The following FHIT variants were observed in gnomAD, a reference collection of about 807,000 sequenced individuals.
FHIT encodes bis(5'-adenosyl)-triphosphatase.
A neutral mutation model predicts 17.9 loss-of-function variants in FHIT; 19 were observed. That is an observed-to-expected ratio of 1.06 (90% CI 0.74 to 1.56). FHIT has a LOEUF of 1.56. FHIT is among the 40% of genes most tolerant of loss of function. The probability of loss-of-function intolerance (pLI) is 0.00; values close to 1 mark genes in which losing one functional copy is unlikely to be tolerated. For missense variants in FHIT, 248 were observed against 189.2 expected (o/e 1.31, Z -1.82); for synonymous variants, 81 against 69.7 (o/e 1.16, Z -0.81).
chr3:59,830,634 G>A (rs1701131881), intron 8 of FHIT, among the ~76,000 whole-genome samples: 1 of 152,180 alleles, frequency 6.6e-6, no homozygotes, highest in East Asian at 1.9e-4. Context: ...TTCTTTCATA[G>A]TCTAGTCTAA....
chr3:59,875,316 T>C (rs1444250927), intron 8 of FHIT, among the ~76,000 whole-genome samples: 2 of 152,226 alleles, frequency 1.3e-5, no homozygotes, highest in African/African-American at 2.4e-5. Flanking sequence ...CCTAAACTAC[T>C]ACTCACTGTT....
intron 4 of FHIT, among the ~76,000 whole-genome samples, chr3:60,769,631 G>A (rs1037947300): frequency 1.6e-4 from 25 of 152,184 alleles, no homozygotes; most frequent in African/African-American, 2.7e-4. Flanking sequence ...GTAAAGTGAC[G>A]TACAGGAATC....
At chr3:60,692,106 C>T (rs2041005666) in intron 4 of FHIT, among the ~76,000 whole-genome samples, 1 of 152,154 alleles carries the variant, frequency 6.6e-6, no homozygotes, top group Non-Finnish European at 1.5e-5. Context: ...AGCAGGTTTT[C>T]CACCTAGCAT....
intron 5 of FHIT, among the ~76,000 whole-genome samples, chr3:60,348,731 G>A (rs1266250880): frequency 1.3e-5 from 2 of 152,186 alleles, no homozygotes; most frequent in South Asian, 2.1e-4. Flanking sequence ...GCTTAGCCAT[G>A]TAACTTGACT....
chr3:59,813,939 G>A (rs1423520362), intron 8 of FHIT, among the ~76,000 whole-genome samples: 1 of 152,134 alleles, frequency 6.6e-6, no homozygotes, highest in Non-Finnish European at 1.5e-5. Flanking sequence ...TGCCAAATCA[G>A]TGGGCTGGTG....
intron 5 of FHIT, among the ~76,000 whole-genome samples, chr3:60,125,978 C>G (rs1705529735): frequency 6.6e-6 from 1 of 152,172 alleles, no homozygotes; most frequent in Non-Finnish European, 1.5e-5. Context: ...TTTCTCTGTT[C>G]TGTGCTGCAG....
chr3:59,997,506 A>T (rs1165050865), intron 7 of FHIT, among the ~76,000 whole-genome samples: 3 of 152,196 alleles, frequency 2.0e-5, no homozygotes, highest in Admixed American at 2.0e-4. Flanking sequence ...GGAATTTGAA[A>T]TGCATTTATA....
chr3:59,874,626 G>A (rs1420343575), intron 8 of FHIT, among the ~76,000 whole-genome samples: 1 of 152,138 alleles, frequency 6.6e-6, no homozygotes, highest in Non-Finnish European at 1.5e-5. Flanking sequence ...GGAAAGAAGG[G>A]AGGGAGGTCA....
At chr3:60,707,248 C>G (rs1212244680) in intron 4 of FHIT, among the ~76,000 whole-genome samples, 2 of 152,106 alleles carry the variant, frequency 1.3e-5, no homozygotes, top group South Asian at 2.1e-4. Flanking sequence ...AAATGGAAAC[C>G]GTGATGACAA....
At chr3:59,823,036 G>A (rs1455042350) in intron 8 of FHIT, among the ~76,000 whole-genome samples, 4 of 152,112 alleles carry the variant, frequency 2.6e-5, no homozygotes. Context: ...AATTATCCCA[G>A]CACCATTTGT....
At chr3:60,127,928 G>A (rs1449160524) in intron 5 of FHIT, among the ~76,000 whole-genome samples, 2 of 152,250 alleles carry the variant, frequency 1.3e-5, no homozygotes, top group South Asian at 4.1e-4. Context: ...ATCTCATGCA[G>A]CCTGCAAGTA....
intron 3 of FHIT, among the ~76,000 whole-genome samples, chr3:60,954,318 A>T (rs1709020754): frequency 6.6e-6 from 1 of 152,220 alleles, no homozygotes; most frequent in African/African-American, 2.4e-5. Flanking sequence ...TTTTAAGAAC[A>T]CATTATTCAA....
chr3:60,222,233 T>C (rs1225958642), intron 5 of FHIT, among the ~76,000 whole-genome samples: 1 of 151,936 alleles, frequency 6.6e-6, no homozygotes, highest in African/African-American at 2.4e-5. Context: ...CATTCATTCA[T>C]TCATTCATTC....
At chr3:60,342,696 G>A (rs73104919) in intron 5 of FHIT, among the ~76,000 whole-genome samples, 15 of 152,256 alleles carry the variant, frequency 9.9e-5, no homozygotes, top group Non-Finnish European at 1.9e-4. Flanking sequence ...TTTTGGCTTT[G>A]AAAGAGAAGT....
At chr3:61,045,952 A>T (rs1460658933) in intron 2 of FHIT, among the ~76,000 whole-genome samples, 1 of 152,248 alleles carries the variant, frequency 6.6e-6, no homozygotes, top group Admixed American at 6.5e-5. Context: ...GAGAACAAAG[A>T]CGCAACATAC....
At chr3:60,219,332 A>C (rs965796037) in intron 5 of FHIT, among the ~76,000 whole-genome samples, 5 of 152,100 alleles carry the variant, frequency 3.3e-5, no homozygotes, top group African/African-American at 7.2e-5. Context: ...ATAGCCCTAT[A>C]CTTTGTTCAA....
intron 5 of FHIT, among the ~76,000 whole-genome samples, chr3:60,242,860 CACATAT>C (rs1705205027): frequency 1.3e-5 from 2 of 152,008 alleles, no homozygotes; most frequent in African/African-American, 4.8e-5. Context: ...TAAACACATA[CACATAT>C]GTGAACATCT....
intron 5 of FHIT, among the ~76,000 whole-genome samples, chr3:60,423,214 G>C (rs993550871): frequency 6.6e-6 from 1 of 152,078 alleles, no homozygotes; most frequent in East Asian, 1.9e-4. Flanking sequence ...GTAGAGTATA[G>C]ATGGTAGAGT....
chr3:60,505,381 T>C (rs545241421), intron 5 of FHIT, among the ~76,000 whole-genome samples: 36 of 152,296 alleles, frequency 2.4e-4, no homozygotes, highest in African/African-American at 5.1e-4. Flanking sequence ...TAAAGGGCCA[T>C]TAAGTCAGAA....
Sources: allele counts gnomAD v4.1 joint callset (sites outside exome capture counted in the v4.1 genomes callset), GRCh38; gene constraint gnomAD v4.1.1; transcripts MANE v1.5; gene names NCBI Gene and HGNC (gene_info 2026-07-23, HGNC 2026-07-21).